KHDRBS3: variants seen among roughly 807,000 people sequenced by gnomAD.
The protein encoded by KHDRBS3 is KH RNA binding domain containing, signal transduction associated 3.
In KHDRBS3, 23 loss-of-function variants were observed where a neutral mutation model predicts 45.6. The ratio of observed to expected loss-of-function variants is 0.50; its 90% CI spans 0.36 to 0.72. The LOEUF is 0.72. Among genes scored for constraint, KHDRBS3 ranks in the 30% least tolerant of loss-of-function variants. The pLI is 0.00. For synonymous variants in KHDRBS3, 162 were observed against 156.5 expected (o/e 1.04, Z -0.26); for missense variants, 352 against 424.8 (o/e 0.83, Z 1.51).
intron 6 of KHDRBS3, among the ~76,000 whole-genome samples, chr8:135,604,347 G>A (rs1829357293): frequency 6.6e-6 from 1 of 151,908 alleles, no homozygotes; most frequent in African/African-American, 2.4e-5. Flanking sequence ...ACAGCATGTG[G>A]TTGGATCATT....
intron 1 of KHDRBS3, chr8:135,458,185 T>A: frequency 7.7e-7 from 1 of 1,304,004 alleles, no homozygotes; most frequent in Non-Finnish European, 9.8e-7. Context: ...GGCGCATGGG[T>A]GAGACTTGAA....
At chr8:135,502,841 ACTTC>A (rs1823799872) in intron 1 of KHDRBS3, among the ~76,000 whole-genome samples, 1 of 151,994 alleles carries the variant, frequency 6.6e-6, no homozygotes, top group Non-Finnish European at 1.5e-5. Flanking sequence ...CCTCTTTTCC[ACTTC>A]CTTTTTGTTT....
At chr8:135,514,585 G>A (rs958321001) in intron 1 of KHDRBS3, among the ~76,000 whole-genome samples, 1 of 152,190 alleles carries the variant, frequency 6.6e-6, no homozygotes, top group African/African-American at 2.4e-5. Flanking sequence ...GTAGTTTAAT[G>A]TGCATAGGGT....
At chr8:135,515,963 A>G (rs914456273) in intron 1 of KHDRBS3, among the ~76,000 whole-genome samples, 3 of 152,148 alleles carry the variant, frequency 2.0e-5, no homozygotes, top group African/African-American at 7.2e-5. Context: ...TCCTTAGATG[A>G]TTTTGTTGTT....
chr8:135,646,069 G>T (rs1831276885), intron 8 of KHDRBS3, among the ~76,000 whole-genome samples: 1 of 140,286 alleles, frequency 7.1e-6, no homozygotes, highest in African/African-American at 2.7e-5. Context: ...TTTGCTGAAT[G>T]CAGGCTACCT....
chr8:135,463,274 A>G (rs962106059), intron 1 of KHDRBS3, among the ~76,000 whole-genome samples: 4 of 152,202 alleles, frequency 2.6e-5, no homozygotes, highest in African/African-American at 9.7e-5. Context: ...ATTATCATTA[A>G]GGGTAGCAGA....
chr8:135,614,589 G>A (rs1177244758), intron 7 of KHDRBS3, among the ~76,000 whole-genome samples: 1 of 151,510 alleles, frequency 6.6e-6, no homozygotes, highest in Admixed American at 6.6e-5. Context: ...ATTATAAACT[G>A]TCAACAAAAA....
intron 3 of KHDRBS3, among the ~76,000 whole-genome samples, chr8:135,547,416 TA>T (rs1826364254): frequency 6.6e-6 from 1 of 152,206 alleles, no homozygotes; most frequent in African/African-American, 2.4e-5. Context: ...TCTGCATTAA[TA>T]TACATGTGCT....
intron 6 of KHDRBS3, among the ~76,000 whole-genome samples, chr8:135,605,092 A>G (rs1358735511): frequency 2.6e-5 from 4 of 152,074 alleles, no homozygotes; most frequent in Non-Finnish European, 1.5e-5. Context: ...GCAGTTTGAC[A>G]ATAACCATGT....
At chr8:135,540,341 C>G (rs183026545) in intron 2 of KHDRBS3, 5 of 152,106 alleles carry the variant, frequency 3.3e-5, no homozygotes, top group Non-Finnish European at 7.3e-5. Context: ...AACTCGAGAG[C>G]GCTCAGGAAT....
At chr8:135,506,943 T>C (rs1824030553) in intron 1 of KHDRBS3, among the ~76,000 whole-genome samples, 1 of 152,204 alleles carries the variant, frequency 6.6e-6, no homozygotes, top group South Asian at 2.1e-4. Context: ...AACATTTTCG[T>C]TTATTTCAGC....
chr8:135,530,391 G>A (rs561215977), intron 2 of KHDRBS3, among the ~76,000 whole-genome samples: 16 of 152,074 alleles, frequency 1.1e-4, no homozygotes, highest in Non-Finnish European at 2.1e-4. Context: ...GGAGGAAAAT[G>A]GCAAAAATTC....
chr8:135,634,598 A>G (rs1052867889), intron 7 of KHDRBS3, among the ~76,000 whole-genome samples: 1 of 152,256 alleles, frequency 6.6e-6, no homozygotes, highest in Non-Finnish European at 1.5e-5. Context: ...AGTAGATAAA[A>G]CATGCCAGTT....
intron 6 of KHDRBS3, among the ~76,000 whole-genome samples, chr8:135,605,802 A>G (rs1187885749): frequency 1.3e-5 from 2 of 152,212 alleles, no homozygotes; most frequent in African/African-American, 4.8e-5. Flanking sequence ...ACCAAATTAA[A>G]GTCTTTGTCT....
rs144813300 is a variant in KHDRBS3 at position 135,600,203 on chromosome 8, A to G, written c.808-6752A>G. ...TCTTCCCCTATTGTTCTCAGGACAG[A>G]GGAGTGCAGAGTGGAGATTTTAAGC... is the stretch of plus-strand genomic sequence containing the variant. On this transcript the variant is annotated intron_variant, in intron 6 of 8. Coordinates refer to ENST00000355849, the MANE Select transcript of KHDRBS3 (RefSeq NM_006558.3). Among the ~76,000 whole-genome samples, 713 of 152,308 alleles carry G rather than the reference A, an allele frequency of 4.7e-3. 2 individuals are homozygous for G. The highest frequency in any genetic ancestry group is 0.016 in the African/African-American group (685 of 41,564).
chr8:135,574,033 A>G (rs1563778105), intron 5 of KHDRBS3, among the ~76,000 whole-genome samples: 1 of 152,192 alleles, frequency 6.6e-6, no homozygotes, highest in Non-Finnish European at 1.5e-5. Context: ...GTTCTCACTA[A>G]TAGATGCTTT....
intron 7 of KHDRBS3, chr8:135,626,101 C>G (rs1435638907): frequency 2.0e-6 from 1 of 505,334 alleles, no homozygotes; most frequent in Admixed American, 3.2e-5. Context: ...AATAAGGACT[C>G]ATTTAAAAAG....
At chr8:135,486,408 A>G (rs968682570) in intron 1 of KHDRBS3, among the ~76,000 whole-genome samples, 1 of 152,204 alleles carries the variant, frequency 6.6e-6, no homozygotes, top group African/African-American at 2.4e-5. Flanking sequence ...CCTAGGGCTC[A>G]TCTGAGCTCC....
chr8:135,469,820 C>G (rs984506316), intron 1 of KHDRBS3, among the ~76,000 whole-genome samples: 3 of 152,188 alleles, frequency 2.0e-5, no homozygotes, highest in African/African-American at 7.2e-5. Context: ...AGCCACCGCG[C>G]CCGGCCAGGA....
Sources: allele counts gnomAD v4.1 joint callset (sites outside exome capture counted in the v4.1 genomes callset), GRCh38; gene constraint gnomAD v4.1.1; transcripts MANE v1.5; gene names NCBI Gene and HGNC (gene_info 2026-07-23, HGNC 2026-07-21).